SPAG16: variants seen among roughly 807,000 people sequenced by gnomAD.
SPAG16 encodes the protein sperm-associated antigen 16 protein.
In SPAG16, 86 loss-of-function variants were observed where a neutral mutation model predicts 80.4. The ratio of observed to expected loss-of-function variants is 1.07; its 90% CI spans 0.90 to 1.28. The LOEUF (loss-of-function observed/expected upper bound fraction) is 1.28. Among genes scored for constraint, SPAG16 ranks in the 50% most tolerant of loss-of-function variants. The pLI is 0.00. For missense variants in SPAG16, 870 were observed against 765.3 expected (o/e 1.14, Z -1.61); for synonymous variants, 294 against 265.9 (o/e 1.11, Z -1.03).
intron 10 of SPAG16, among the ~76,000 whole-genome samples, chr2:213,689,393 G>T (rs1239023978): frequency 2.6e-5 from 4 of 152,034 alleles, no homozygotes; most frequent in Non-Finnish European, 5.9e-5. Context: ...AACAATGTGA[G>T]TTTTACTTTT....
intron 10 of SPAG16, among the ~76,000 whole-genome samples, chr2:213,832,948 T>C (rs539735846): frequency 6.6e-6 from 1 of 152,242 alleles, no homozygotes; most frequent in Non-Finnish European, 1.5e-5. Context: ...CTCTACACTA[T>C]CTACAATGCA....
chr2:213,879,137 T>G (rs963347184), intron 11 of SPAG16, among the ~76,000 whole-genome samples: 1 of 28,738 alleles, frequency 3.5e-5, no homozygotes, highest in African/African-American at 5.9e-5. Context: ...TTTGAGCTCT[T>G]TTTTTGATTC....
At chr2:214,252,382 G>A (rs1331137966) in intron 15 of SPAG16, among the ~76,000 whole-genome samples, 1 of 151,904 alleles carries the variant, frequency 6.6e-6, no homozygotes, top group Admixed American at 6.6e-5. Flanking sequence ...TGCCATGGTG[G>A]TTTGCTGCAC....
At chr2:213,958,739 CT>C (rs947240662) in intron 12 of SPAG16, among the ~76,000 whole-genome samples, 18 of 151,898 alleles carry the variant, frequency 1.2e-4, no homozygotes, top group East Asian at 9.7e-4. Flanking sequence ...AGCTTTTTGA[CT>C]TTTTTTTAAT....
At chr2:213,314,244 G>C (rs2063315555) in intron 4 of SPAG16, among the ~76,000 whole-genome samples, 1 of 151,782 alleles carries the variant, frequency 6.6e-6, no homozygotes, top group Non-Finnish European at 1.5e-5. Context: ...AGTTTTATTA[G>C]TGATAATTTT....
chr2:213,324,476 T>G (rs1024803784), intron 5 of SPAG16, among the ~76,000 whole-genome samples: 1 of 152,152 alleles, frequency 6.6e-6, no homozygotes, highest in Non-Finnish European at 1.5e-5. Flanking sequence ...CACTTTAGAT[T>G]AGTTTTGTTT....
intron 13 of SPAG16, among the ~76,000 whole-genome samples, chr2:214,097,116 AAC>A (rs1313386302): frequency 1.3e-5 from 2 of 152,056 alleles, no homozygotes; most frequent in African/African-American, 2.4e-5. Flanking sequence ...TTAATTTTTA[AAC>A]TTGGAAACTA....
intron 15 of SPAG16, among the ~76,000 whole-genome samples, chr2:214,172,354 T>C (rs953494778): frequency 1.3e-5 from 2 of 152,082 alleles, no homozygotes; most frequent in African/African-American, 2.4e-5. Flanking sequence ...TGTTTGGTTT[T>C]TTGTCCTTGT....
chr2:213,959,008 G>A (rs561054955), intron 12 of SPAG16, among the ~76,000 whole-genome samples: 1 of 152,164 alleles, frequency 6.6e-6, no homozygotes, highest in South Asian at 2.1e-4. Flanking sequence ...CATTTTGAAG[G>A]GTATTTTTGG....
chr2:213,371,683 C>G (rs1443027317), intron 8 of SPAG16, among the ~76,000 whole-genome samples: 2 of 135,570 alleles, frequency 1.5e-5, no homozygotes, highest in African/African-American at 5.2e-5. Context: ...GTCATTTACT[C>G]TAAACTTTGG....
chr2:213,655,329 G>A (rs1337064215), intron 10 of SPAG16, among the ~76,000 whole-genome samples: 1 of 152,130 alleles, frequency 6.6e-6, no homozygotes, highest in African/African-American at 2.4e-5. Context: ...CTTTGAGCTG[G>A]ATATTGGAGG....
intron 10 of SPAG16, among the ~76,000 whole-genome samples, chr2:213,652,087 G>A (rs1385120059): frequency 6.6e-6 from 1 of 152,008 alleles, no homozygotes; most frequent in Non-Finnish European, 1.5e-5. Flanking sequence ...AAAAGCACAG[G>A]CTCTGGATAT....
chr2:213,392,787 A>G, intron 9 of SPAG16, among the ~76,000 whole-genome samples: 1 of 152,052 alleles, frequency 6.6e-6, no homozygotes, highest in East Asian at 1.9e-4. Flanking sequence ...CAGAGGCTGC[A>G]GTGAGCCGAG....
intron 10 of SPAG16, among the ~76,000 whole-genome samples, chr2:213,561,905 G>T (rs1279332404): frequency 1.3e-5 from 2 of 151,998 alleles, no homozygotes; most frequent in Middle Eastern, 3.2e-3. Context: ...TCTTTTTGTT[G>T]TATTCCTATC....
intron 10 of SPAG16, among the ~76,000 whole-genome samples, chr2:213,660,795 G>A (rs1438275707): frequency 6.6e-6 from 1 of 152,182 alleles, no homozygotes; most frequent in Non-Finnish European, 1.5e-5. Flanking sequence ...AGCAGAACAT[G>A]TTCCATATGC....
chr2:213,996,336 C>A (rs903847725), intron 12 of SPAG16, among the ~76,000 whole-genome samples: 4 of 152,036 alleles, frequency 2.6e-5, no homozygotes, highest in African/African-American at 9.7e-5. Flanking sequence ...GTGCATTATG[C>A]ATGTAACTAT....
chr2:213,809,032 A>T (rs2071954395), intron 10 of SPAG16, among the ~76,000 whole-genome samples: 1 of 152,220 alleles, frequency 6.6e-6, no homozygotes, highest in Admixed American at 6.5e-5. Flanking sequence ...TTGACTCATT[A>T]TCATTCTACA....
chr2:213,422,294 A>G, intron 9 of SPAG16: 1 of 702,076 alleles, frequency 1.4e-6, no homozygotes, highest in South Asian at 1.5e-5. Context: ...GGGTGCCCAC[A>G]GCAGAAGTTG....
chr2:214,193,396 T>C (rs2057721618), intron 15 of SPAG16, among the ~76,000 whole-genome samples: 1 of 19,950 alleles, frequency 5.0e-5, no homozygotes, highest in African/African-American at 1.4e-4. Flanking sequence ...AGATCTTTTA[T>C]GTGTGTGTGT....
Sources: gnomAD v4.1 joint callset for allele counts (sites outside exome capture counted in the v4.1 genomes callset) on GRCh38, gnomAD v4.1.1 for gene constraint, MANE v1.5 for transcripts, NCBI Gene and HGNC (gene_info 2026-07-23, HGNC 2026-07-21) for gene names.